The following TBX4 variants were observed in gnomAD, a reference collection of about 807,000 sequenced individuals.
TBX4 encodes T-box transcription factor TBX4.
In TBX4, 13 loss-of-function variants were observed where a neutral mutation model predicts 54.6. The observed-to-expected ratio is 0.24, with a 90% CI of 0.15 to 0.38. The LOEUF is 0.38. TBX4 is among the 10% of genes least tolerant of loss of function. The probability of loss-of-function intolerance (pLI) is 1.00; values close to 1 mark genes in which losing one functional copy is unlikely to be tolerated. For synonymous variants in TBX4, 314 were observed against 306.7 expected (o/e 1.02, Z -0.25); for missense variants, 631 against 728.5 (o/e 0.87, Z 1.54).
chr17:61,482,830 C>A, intron 8 of TBX4, 67 bp from the exon 9 acceptor site: 1 of 1,599,052 alleles, frequency 6.3e-7, no homozygotes, highest in Non-Finnish European at 8.5e-7. Context: ...GTCCCAGCAT[C>A]CAACAGGGTG....
intron 4 of TBX4, 67 bp downstream of exon 4, chr17:61,466,005 G>GT: frequency 6.2e-7 from 1 of 1,605,580 alleles, no homozygotes. Context: ...CCCACCTAGT[G>GT]TTTTGTCCGG....
chr17:61,465,890 A>G lies in TBX4; in HGVS notation c.353A>G (p.Asp118Gly), dbSNP rs772372461. 6.2e-7 allele frequency: 1 copy of G among 1,614,156 alleles called. No homozygotes were observed. Among genetic ancestry groups the G allele is most frequent in the Non-Finnish European group, 8.5e-7 (1 of 1,180,026 alleles). The change falls in exon 4 of 9, where the codon GAC (aspartate) becomes GGC (glycine). Residue 118 changes from aspartate (D) to glycine (G), a missense_variant. Asp to Gly is a moderately conservative substitution (Grantham distance 94). Coordinates refer to ENST00000644296, the MANE Select transcript of TBX4 (RefSeq NM_001321120.2). The surrounding 1 kb of genome is among the most constrained non-coding windows in gnomAD (Gnocchi z 4.9). ...NPKTKYILLI[D>G]IVPADDHRYK... is the part of the protein sequence containing the mutation. ...AAGACCAAGTATATCCTGCTGATTG[A>G]CATTGTCCCTGCCGATGACCATCGC...
intron 8 of TBX4, 39 bp from the exon 9 acceptor site, chr17:61,482,858 G>A (rs1473063801): frequency 6.2e-7 from 1 of 1,608,898 alleles, no homozygotes; most frequent in Admixed American, 1.7e-5. Flanking sequence ...GCCTGGGCTG[G>A]TGGAAATGGT....
In TBX4 at chr17:61,476,057, G is replaced by A. The variant is rs546784121; in HGVS notation, c.550-2570G>A. Among the ~76,000 whole-genome samples, 4 of 152,270 alleles carry A rather than the reference G, an allele frequency of 2.6e-5. No individual in the cohort carries two copies. Among genetic ancestry groups the A allele is most frequent in the African/African-American group, 7.2e-5 (3 of 41,542 alleles). ...CCCAGATCTTCCCACTCTCAAACCC[G>A]ACCTTGCACTCACTAGATCCTGTCT... On this transcript the variant is annotated intron_variant, in intron 5 of 8. Transcript: ENST00000644296. This position sits in a 1 kb window ranked among gnomAD's most constrained non-coding sequence, Gnocchi z 6.5.
At chr17:61,473,030 A>G (rs367889442) in intron 5 of TBX4, among the ~76,000 whole-genome samples, 37 of 152,270 alleles carry the variant, frequency 2.4e-4, no homozygotes, top group African/African-American at 7.7e-4. Context: ...ATTTTTTCAC[A>G]TAAATTTTAG....
At chr17:61,466,056 G>A (rs1324880790) in intron 4 of TBX4, 118 bp downstream of exon 4, 3 of 1,521,362 alleles carry the variant, frequency 2.0e-6, no homozygotes, top group Non-Finnish European at 2.7e-6. Flanking sequence ...AGGTCTGCAG[G>A]CTGGAGTCCA....
At chr17:61,477,627 G>A (rs906844621) in intron 5 of TBX4, among the ~76,000 whole-genome samples, 3 of 152,212 alleles carry the variant, frequency 2.0e-5, no homozygotes, top group Admixed American at 2.0e-4. Context: ...CCGTCAGCAG[G>A]CCTCTGTGAA....
At position 61,479,850 on chromosome 17, in the gene TBX4, A is replaced by G; in HGVS notation, c.703-31A>G. On this transcript the variant is annotated intron_variant, in intron 6 of 8. Coordinates refer to ENST00000644296, the MANE Select transcript of TBX4 (RefSeq NM_001321120.2). This position sits in a 1 kb window ranked among gnomAD's most constrained non-coding sequence, Gnocchi z 6.1. ...ACTGAGACACATTTGTGTGCCTCAC[A>G]CTGGTGACCCTATGTGTTTTCTCCC... 6.2e-7 allele frequency: 1 copy of G among 1,606,990 alleles called. No homozygotes were observed. The highest frequency in any genetic ancestry group is 8.5e-7 in the Non-Finnish European group (1 of 1,173,476).
intron 5 of TBX4, among the ~76,000 whole-genome samples, chr17:61,469,303 G>T (rs908912092): frequency 6.6e-6 from 1 of 152,184 alleles, no homozygotes; most frequent in African/African-American, 2.4e-5. Context: ...AACCTCTTCA[G>T]TAGCTCTCCC....
Position 61,479,255 on chromosome 17 carries a change from A to G in TBX4, c.702+476A>G, listed in dbSNP as rs3785824. Among the ~76,000 whole-genome samples, 33,691 of 151,840 alleles carry G rather than the reference A, an allele frequency of 0.22. 4,212 individuals are homozygous for G. Among genetic ancestry groups the G allele is most frequent in the African/African-American group, 0.33 (13,639 of 41,396 alleles). On this transcript the variant is annotated intron_variant, in intron 6 of 8. Coordinates refer to ENST00000644296, the MANE Select transcript of TBX4 (RefSeq NM_001321120.2). This position sits in a 1 kb window ranked among gnomAD's most constrained non-coding sequence, Gnocchi z 6.1. ...AGGAGGTGCCCCAGCCACCTCCCACACTCACTACTGCCCTCCCCAGCCCGG... is the reference window on the plus strand; with the variant it reads ...AGGAGGTGCCCCAGCCACCTCCCACGCTCACTACTGCCCTCCCCAGCCCGG...
rs1313311884 is a variant in TBX4 at position 61,457,803 on chromosome 17, G to A, written c.281+172G>A. Among the ~76,000 whole-genome samples the A allele has an allele frequency of 6.6e-6, 1 of 152,228 alleles. No homozygotes were observed. The highest frequency in any genetic ancestry group is 1.5e-5 in the Non-Finnish European group (1 of 68,044). ...GCTTGGGACTGGGCCGCCAAAGCCC[G>A]CAGGGGGCCACCGCAGCCGCGCGGG... On this transcript the variant is annotated intron_variant, in intron 3 of 8. Coordinates refer to ENST00000644296, the MANE Select transcript of TBX4 (RefSeq NM_001321120.2). The surrounding 1 kb of genome is among the most constrained non-coding windows in gnomAD (Gnocchi z 8.2).
chr17:61,463,740 C>T (rs559304567), intron 3 of TBX4, among the ~76,000 whole-genome samples: 2 of 152,366 alleles, frequency 1.3e-5, no homozygotes, highest in Admixed American at 1.3e-4. Context: ...AGGAAACAAG[C>T]TGAGTGCAGG....
Position 61,467,268 on chromosome 17 carries a change from T to C in TBX4, c.402-242T>C, listed in dbSNP as rs117842827. On this transcript the variant is annotated intron_variant, in intron 4 of 8. Coordinates refer to ENST00000644296, the MANE Select transcript of TBX4 (RefSeq NM_001321120.2). ...CTTCAATTAAATGATCCCATTTCCC[T>C]GTAACCTCCCTTTTCTTTTCTACTG... is the stretch of plus-strand genomic sequence containing the variant. 3.5e-3 allele frequency among the ~76,000 whole-genome samples: 530 copies of C among 152,354 alleles called. 5 individuals are homozygous for C. Among genetic ancestry groups the C allele is most frequent in the Middle Eastern group, 0.01 (3 of 294 alleles).
rs930214710 is a variant in TBX4 at position 61,457,892 on chromosome 17, C to T, written c.281+261C>T. ...AAATGAATCCAAACAGGGATCGCGA[C>T]GCTCAAAAGTCCCAGCTCCAGCACT... On this transcript the variant is annotated intron_variant, in intron 3 of 8. Transcript: ENST00000644296. The surrounding 1 kb of genome is among the most constrained non-coding windows in gnomAD (Gnocchi z 8.2). Among the ~76,000 whole-genome samples, 1 of 152,226 alleles carries T rather than the reference C, an allele frequency of 6.6e-6. No individual in the cohort carries two copies. Among genetic ancestry groups the T allele is most frequent in the African/African-American group, 2.4e-5 (1 of 41,470 alleles).
rs962930086 is a variant in TBX4, at chr17:61,476,968, A to G, written c.550-1659A>G. On this transcript the variant is annotated intron_variant, in intron 5 of 8. Coordinates refer to ENST00000644296, the MANE Select transcript of TBX4 (RefSeq NM_001321120.2). The surrounding 1 kb of genome is among the most constrained non-coding windows in gnomAD (Gnocchi z 6.5). ...ACTAAGACTTTGGCCAAGGTTTGCC[A>G]TAAAAGAGCCTGACTCTGGCCTTTC... Among the ~76,000 whole-genome samples, 1 of 152,252 alleles carries G rather than the reference A, an allele frequency of 6.6e-6. No homozygotes were observed. The highest frequency in any genetic ancestry group is 2.4e-5 in the African/African-American group (1 of 41,470).
At chr17:61,463,148 A>C (rs1386807058) in intron 3 of TBX4, 1 of 152,332 alleles carries the variant, frequency 6.6e-6, no homozygotes, top group Non-Finnish European at 1.5e-5. Flanking sequence ...CCCACCCCAG[A>C]GTGGGTTCTG....
At position 61,472,571 on chromosome 17, in the gene TBX4, C is replaced by T. The variant is rs972674983; in HGVS notation, c.549+4914C>T. The stretch of plus-strand genomic sequence containing the variant: ...TACACATGTCCAGGTTATCATTTGT[C>T]ATTTGGTTTTGCCTGTAGTGATATT... On this transcript the variant is annotated intron_variant, in intron 5 of 8. Transcript: ENST00000644296. This position sits in a 1 kb window ranked among gnomAD's most constrained non-coding sequence, Gnocchi z 4.5. Among the ~76,000 whole-genome samples, 2 of 152,166 alleles carry T rather than the reference C, an allele frequency of 1.3e-5. No individual in the cohort carries two copies. Among genetic ancestry groups the T allele is most frequent in the East Asian group, 3.8e-4 (2 of 5,202 alleles).
rs955086729 is a variant in TBX4 at position 61,474,535 on chromosome 17, G to A, written c.550-4092G>A. Among the ~76,000 whole-genome samples the A allele has an allele frequency of 1.3e-5, 2 of 152,198 alleles. No homozygotes were observed. The highest frequency in any genetic ancestry group is 2.9e-5 in the Non-Finnish European group (2 of 68,042). On this transcript the variant is annotated intron_variant, in intron 5 of 8. Coordinates refer to ENST00000644296, the MANE Select transcript of TBX4 (RefSeq NM_001321120.2). This position sits in a 1 kb window ranked among gnomAD's most constrained non-coding sequence, Gnocchi z 4.6. Reference sequence around the variant, plus strand: ...CTGTGATTCCAATGTAGATAGATCTGGGCTTTATTGGCCAAGCACGCTATG... The same window carrying A: ...CTGTGATTCCAATGTAGATAGATCTAGGCTTTATTGGCCAAGCACGCTATG...
chr17:61,481,955 T>TG lies in TBX4; in HGVS notation c.1022-938dup, dbSNP rs1326941907. The TG allele has an allele frequency of 2.0e-5, 3 of 152,254 alleles. No homozygotes were observed. The highest frequency in any genetic ancestry group is 7.2e-5 in the African/African-American group (3 of 41,428). 9.4% of individuals were successfully genotyped at this position (152,254 alleles called of 1,614,324 possible). A position where few individuals can be genotyped will look rare whatever the true frequency, so the allele number is the denominator to read the frequency against. The stretch of plus-strand genomic sequence containing the variant: ...CTAATATTTGTATTTTTAGTAGAGA[T>TG]GGGGTTTCACCATGTTGATCAAGCT... On this transcript the variant is annotated intron_variant, in intron 8 of 8. Transcript: ENST00000644296. The surrounding 1 kb of genome is among the most constrained non-coding windows in gnomAD (Gnocchi z 4.8).
Sources: allele counts gnomAD v4.1 joint callset (sites outside exome capture counted in the v4.1 genomes callset), GRCh38; gene constraint gnomAD v4.1.1; non-coding constraint Gnocchi (gnomAD v3.1); transcripts MANE v1.5; gene names NCBI Gene and HGNC (gene_info 2026-07-23, HGNC 2026-07-21).